Variants in INTS3 observed in about 807,000 individuals in gnomAD.
The protein encoded by INTS3 is integrator complex subunit 3, also known as SOSS complex subunit A.
In INTS3, 34 loss-of-function variants were observed where a neutral mutation model predicts 146.3. The observed-to-expected ratio is 0.23, with a 90% CI of 0.18 to 0.31. The LOEUF is 0.31. INTS3 is among the 10% of genes least tolerant of loss of function. The probability of loss-of-function intolerance (pLI) is 1.00; values close to 1 mark genes in which losing one functional copy is unlikely to be tolerated. For missense variants in INTS3, 757 were observed against 1,304.2 expected, an observed-to-expected ratio of 0.58 and a Z score of 6.46; for synonymous variants, 475 against 494.9, an observed-to-expected ratio of 0.96 and a Z score of 0.53.
rs1670930544 is a variant in INTS3 at position 153,728,262 on chromosome 1, G to A, written c.-373G>A. On this transcript the variant is annotated 5_prime_UTR_variant, in exon 1 of 30. Coordinates refer to ENST00000318967, the MANE Select transcript of INTS3 (RefSeq NM_023015.5). Reference sequence around the variant, plus strand: ...AGGACTCCTCTTTTCCCCCCACGGGGAAAAGAGGCAGAAACTTAGGGGTTT... The same window carrying A: ...AGGACTCCTCTTTTCCCCCCACGGGAAAAAGAGGCAGAAACTTAGGGGTTT... 1 of 389,780 alleles carries A rather than the reference G, an allele frequency of 2.6e-6. No individual in the cohort carries two copies. The highest frequency in any genetic ancestry group is 4.5e-6 in the Non-Finnish European group (1 of 220,840). 24.1% of individuals were successfully genotyped at this position (389,780 alleles called of 1,614,324 possible).
At chr1:153,754,053 G>A (rs1672069153) in intron 8 of INTS3, among the ~76,000 whole-genome samples, 1 of 150,444 alleles carries the variant, frequency 6.6e-6, no homozygotes, top group East Asian at 2.0e-4. Flanking sequence ...CACCTGCCTC[G>A]GCCTCCCAAG....
chr1:153,731,245 G>A (rs150485595), intron 1 of INTS3, among the ~76,000 whole-genome samples: 1 of 152,232 alleles, frequency 6.6e-6, no homozygotes, highest in East Asian at 1.9e-4. Flanking sequence ...ATTATAATTG[G>A]GTGTGATTAG....
At chr1:153,746,748 C>G (rs2101797679) in intron 3 of INTS3, 1 of 534,012 alleles carries the variant, frequency 1.9e-6, no homozygotes, top group East Asian at 3.0e-5. Context: ...GTACCTTTTC[C>G]CCACTCTGTG....
intron 3 of INTS3, among the ~76,000 whole-genome samples, chr1:153,742,972 C>A (rs1230103969): frequency 6.6e-6 from 1 of 152,180 alleles, no homozygotes; most frequent in Non-Finnish European, 1.5e-5. Context: ...GCCTCCAGGT[C>A]AGGCCTCTTC....
chr1:153,772,088 G>A lies in INTS3; in HGVS notation c.2720+125G>A, dbSNP rs1672908134. 1.3e-5 allele frequency: 14 copies of A among 1,107,620 alleles called. No individual in the cohort carries two copies. Among genetic ancestry groups the A allele is most frequent in the East Asian group, 7.8e-5 (3 of 38,656 alleles). The allele number at this position is 1,107,620 out of a possible 1,614,324, so 68.6% of individuals were successfully genotyped here. On this transcript the variant is annotated intron_variant, in intron 26 of 29. Transcript: ENST00000318967. The surrounding 1 kb of genome is among the most constrained non-coding windows in gnomAD (Gnocchi z 4.6). ...TGCTGTCCCAGCCTGGTTTGTGGGCGACATCTAGTGGTCCGAAGCCACATG... is the reference window on the plus strand; with the variant it reads ...TGCTGTCCCAGCCTGGTTTGTGGGCAACATCTAGTGGTCCGAAGCCACATG...
At chr1:153,754,873 A>G (rs942845754) in intron 9 of INTS3, 134 bp downstream of exon 9, 17 of 676,246 alleles carry the variant, frequency 2.5e-5, no homozygotes, top group African/African-American at 2.3e-4. Flanking sequence ...CTACCTGGCT[A>G]CTGGCTTCTT....
chr1:153,769,137 C>A (rs557045749), intron 22 of INTS3, among the ~76,000 whole-genome samples, 176 bp downstream of exon 22: 1 of 152,330 alleles, frequency 6.6e-6, no homozygotes, highest in Non-Finnish European at 1.5e-5. Context: ...AAGTGGAACA[C>A]AAGCAAGGCA....
At chr1:153,740,800 G>A (rs1671500678) in intron 2 of INTS3, 66 bp downstream of exon 2, 2 of 1,288,240 alleles carry the variant, frequency 1.6e-6, no homozygotes, top group African/African-American at 1.5e-5. Flanking sequence ...TGGTCAAAAA[G>A]ATGGAAAGAC....
chr1:153,770,169 G>A, intron 23 of INTS3, 29 bp from the exon 24 acceptor site: 1 of 1,345,618 alleles, frequency 7.4e-7, no homozygotes, highest in East Asian at 2.3e-5. Flanking sequence ...GTTCATTCTT[G>A]AGAGAGATGT....
At chr1:153,748,787 C>T in intron 6 of INTS3, 32 bp downstream of exon 6, 1 of 1,546,284 alleles carries the variant, frequency 6.5e-7, no homozygotes, top group Non-Finnish European at 8.9e-7. Context: ...GGGGTACAGG[C>T]CAGATAATGG....
rs71707457 is a variant in INTS3, at chr1:153,773,986, GTTT to G, written c.*725_*727del. The stretch of plus-strand genomic sequence containing the variant: ...CAAATGATCCCATTTCCTTGAGTCT[GTTT>G]TTTTTTTTGTTTTTTTTTGTTTTTT... On this transcript the variant is annotated 3_prime_UTR_variant, in exon 30 of 30. Transcript: ENST00000318967. 6.8e-6 allele frequency: 1 copy of G among 147,224 alleles called. No individual in the cohort carries two copies. Among genetic ancestry groups the G allele is most frequent in the African/African-American group, 2.6e-5 (1 of 37,928 alleles). 9.1% of individuals were successfully genotyped at this position (147,224 alleles called of 1,614,324 possible).
chr1:153,759,786 G>T (rs749899925), intron 11 of INTS3, 173 bp downstream of exon 11: 1 of 608,142 alleles, frequency 1.6e-6, no homozygotes, highest in Non-Finnish European at 2.9e-6. Flanking sequence ...GAATTGCTTT[G>T]ATAAGGCTAA....
Position 153,773,325 on chromosome 1 carries a change from T to C in INTS3, c.*55T>C. On this transcript the variant is annotated 3_prime_UTR_variant, in exon 30 of 30. Transcript: ENST00000318967. ...TGGACTGCCCTCTCCTTCTTGGTGA[T>C]TCAAAGGTTAATAGAGGCTGAGGAG... 6.7e-7 allele frequency: 1 copy of C among 1,501,120 alleles called. No individual in the cohort carries two copies. The allele number at this position is 1,501,120 out of a possible 1,614,324, so 93.0% of individuals were successfully genotyped here.
intron 6 of INTS3, chr1:153,750,878 C>T (rs1671931660): frequency 2.1e-6 from 1 of 468,278 alleles, no homozygotes; most frequent in South Asian, 4.6e-5. Flanking sequence ...TTTATAGGCA[C>T]TTGGAAGAGA....
At chr1:153,731,077 C>T (rs1016129635) in intron 1 of INTS3, among the ~76,000 whole-genome samples, 5 of 152,094 alleles carry the variant, frequency 3.3e-5, no homozygotes, top group Non-Finnish European at 7.3e-5. Context: ...TATATGCTTA[C>T]TGTGTGCTGG....
chr1:153,729,822 G>A (rs1270459816), intron 1 of INTS3, among the ~76,000 whole-genome samples: 1 of 141,970 alleles, frequency 7.0e-6, no homozygotes, highest in Non-Finnish European at 1.5e-5. Context: ...CCAAGATTGC[G>A]CCACTGCACT....
rs751766045 is a variant in INTS3, at chr1:153,761,686, C to T, written c.1516+10C>T. 142 of 1,582,446 alleles carry T rather than the reference C, an allele frequency of 9.0e-5. No individual in the cohort carries two copies. Among genetic ancestry groups the T allele is most frequent in the Non-Finnish European group, 1.2e-4 (135 of 1,151,618 alleles). ...TCCCCACCTGTGGAAGGTATGAGGC[C>T]CGCCCATTCCATCACCTGTGTCAAA... On this transcript the variant is annotated intron_variant, in intron 14 of 29. Coordinates refer to ENST00000318967, the MANE Select transcript of INTS3 (RefSeq NM_023015.5).
Position 153,737,820 on chromosome 1 carries a change from T to C in INTS3, c.151-2831T>C, listed in dbSNP as rs112439622. Among the ~76,000 whole-genome samples, 1,106 of 152,196 alleles carry C rather than the reference T, an allele frequency of 7.3e-3. 17 individuals are homozygous for C. The highest frequency in any genetic ancestry group is 0.024 in the African/African-American group (1,008 of 41,522). Reference sequence around the variant, plus strand: ...GACCCCTGGTAGGTTTTCATTTGGCTTTTGGTGCTCTATTTTTCTTTCCTC... The same window carrying C: ...GACCCCTGGTAGGTTTTCATTTGGCCTTTGGTGCTCTATTTTTCTTTCCTC... On this transcript the variant is annotated intron_variant, in intron 1 of 29. Transcript: ENST00000318967.
chr1:153,764,799 C>A, intron 19 of INTS3, 65 bp downstream of exon 19: 1 of 1,521,382 alleles, frequency 6.6e-7, no homozygotes, highest in Non-Finnish European at 9.1e-7. Flanking sequence ...CACACATGTG[C>A]TCCTGTCCTG....
Sources: gnomAD v4.1 joint callset for allele counts (sites outside exome capture counted in the v4.1 genomes callset) on GRCh38, gnomAD v4.1.1 for gene constraint, Gnocchi (gnomAD v3.1) non-coding constraint, MANE v1.5 for transcripts, NCBI Gene and HGNC (gene_info 2026-07-23, HGNC 2026-07-21) for gene names.